The following MTUS2 variants were observed in gnomAD, a reference collection of about 807,000 sequenced individuals.
The protein encoded by MTUS2 is microtubule associated scaffold protein 2.
MTUS2 carries 40 observed loss-of-function variants against 114.1 expected under a neutral mutation model. The observed-to-expected ratio is 0.35, with a 90% CI of 0.27 to 0.46. The LOEUF is 0.46. MTUS2 is among the 20% of genes least tolerant of loss of function. The probability of loss-of-function intolerance (pLI) is 1.00; values close to 1 mark genes in which losing one functional copy is unlikely to be tolerated. For synonymous variants in MTUS2, 688 were observed against 672.0 expected (o/e 1.02, Z -0.37); for missense variants, 1,679 against 1,705.4 (o/e 0.98, Z 0.27).
intron 5 of MTUS2, among the ~76,000 whole-genome samples, chr13:29,123,554 T>G (rs1340755857): frequency 1.3e-5 from 2 of 152,054 alleles, no homozygotes; most frequent in Non-Finnish European, 2.9e-5. Flanking sequence ...TTGTCTCTAC[T>G]AAAAATACAA....
intron 4 of MTUS2, among the ~76,000 whole-genome samples, chr13:29,067,687 T>G (rs1032797256): frequency 2.6e-5 from 4 of 152,164 alleles, no homozygotes; most frequent in Admixed American, 1.3e-4. Flanking sequence ...TTTCATTTTA[T>G]GTTTCAGAGC....
chr13:28,879,873 C>G (rs1230902475), intron 2 of MTUS2, among the ~76,000 whole-genome samples: 1 of 151,940 alleles, frequency 6.6e-6, no homozygotes, highest in Admixed American at 6.6e-5. Flanking sequence ...TGTTCAGTAA[C>G]CCAGGTAGAA....
Position 28,905,253 on chromosome 13 carries a change from T to C in MTUS2, c.-243+65403T>C, listed in dbSNP as rs867662782. On this transcript the variant is annotated intron_variant, in intron 2 of 15. Coordinates refer to ENST00000612955, the MANE Select transcript of MTUS2 (RefSeq NM_001033602.4). Reference sequence around the variant, plus strand: ...TAATTGAATGCCCTTTATTTCCTTCTCCTGCCTGATTGCCCTGGCCAGAAC... The same window carrying C: ...TAATTGAATGCCCTTTATTTCCTTCCCCTGCCTGATTGCCCTGGCCAGAAC... 6.5e-4 allele frequency among the ~76,000 whole-genome samples: 99 copies of C among 151,682 alleles called. 1 individual carries two copies. Among genetic ancestry groups the C allele is most frequent in the African/African-American group, 2.3e-3 (95 of 41,132 alleles).
rs1368239410 is a variant in MTUS2, at chr13:29,333,045, G to T, written c.2905+8334G>T. Among the ~76,000 whole-genome samples, 3 of 152,130 alleles carry T rather than the reference G, an allele frequency of 2.0e-5. No homozygotes were observed. In the East Asian group the frequency reaches 5.8e-4, roughly 29 times the overall value. On this transcript the variant is annotated intron_variant, in intron 7 of 15. Coordinates refer to ENST00000612955, the MANE Select transcript of MTUS2 (RefSeq NM_001033602.4). ...TCCCTCTAAACACTGCTTTAGCTGT[G>T]TCCCAGAGATTCTGGTACGTTGTGT...
intron 8 of MTUS2, among the ~76,000 whole-genome samples, chr13:29,393,409 C>A (rs563816653): frequency 6.6e-6 from 1 of 152,180 alleles, no homozygotes; most frequent in Non-Finnish European, 1.5e-5. Flanking sequence ...CTTTAGCGTC[C>A]TCTCCCAAAA....
At chr13:28,831,914 G>A (rs1047512870) in intron 1 of MTUS2, among the ~76,000 whole-genome samples, 1 of 151,182 alleles carries the variant, frequency 6.6e-6, no homozygotes, top group African/African-American at 2.4e-5. Context: ...ATGCCACCAT[G>A]CCTGGCTATT....
chr13:29,260,794 T>C (rs993246119), intron 5 of MTUS2, among the ~76,000 whole-genome samples: 5 of 152,236 alleles, frequency 3.3e-5, no homozygotes, highest in Non-Finnish European at 7.3e-5. Context: ...AGTATTCCCC[T>C]TGGAGGACAT....
chr13:29,161,991 T>C (rs551488708), intron 5 of MTUS2, among the ~76,000 whole-genome samples: 7 of 152,226 alleles, frequency 4.6e-5, no homozygotes, highest in Admixed American at 2.0e-4. Context: ...TCTCCCGAAC[T>C]GTGGATTCAT....
chr13:29,135,256 C>A (rs1344497599), intron 5 of MTUS2, among the ~76,000 whole-genome samples: 1 of 152,112 alleles, frequency 6.6e-6, no homozygotes, highest in East Asian at 1.9e-4. Context: ...GAATGTATTC[C>A]CCACAAATAA....
chr13:28,899,752 C>A (rs1879525234), intron 2 of MTUS2, among the ~76,000 whole-genome samples: 1 of 152,080 alleles, frequency 6.6e-6, no homozygotes, highest in African/African-American at 2.4e-5. Context: ...TTCTCTCTGT[C>A]ACTTTCTTTT....
Position 29,480,088 on chromosome 13 carries a change from T to C in MTUS2, c.3185-62T>C, listed in dbSNP as rs1381971927. 6.7e-7 allele frequency: 1 copy of C among 1,498,166 alleles called. No individual in the cohort carries two copies. Among genetic ancestry groups the C allele is most frequent in the African/African-American group, 1.4e-5 (1 of 71,982 alleles). 92.8% of individuals were successfully genotyped at this position (1,498,166 alleles called of 1,614,324 possible). On this transcript the variant is annotated intron_variant, in intron 9 of 15. Coordinates refer to ENST00000612955, the MANE Select transcript of MTUS2 (RefSeq NM_001033602.4). This position sits in a 1 kb window ranked among gnomAD's most constrained non-coding sequence, Gnocchi z 4.4. ...GCCTTGATGATCTGACCATGGAGGC[T>C]GAGTCCTTCCCATGCCTCCTACGGC...
intron 2 of MTUS2, among the ~76,000 whole-genome samples, chr13:28,985,454 G>T (rs184704499): frequency 6.6e-6 from 1 of 152,144 alleles, no homozygotes; most frequent in Admixed American, 6.5e-5. Context: ...AATAACTGGG[G>T]ATGTTAATAA....
chr13:29,027,703 C>T (rs534711105), intron 3 of MTUS2, among the ~76,000 whole-genome samples: 84 of 152,308 alleles, frequency 5.5e-4, no homozygotes, highest in African/African-American at 1.8e-3. Flanking sequence ...AGGCGCCCGC[C>T]ACCGCGCCTG....
At chr13:28,970,675 T>C (rs780788310) in intron 2 of MTUS2, among the ~76,000 whole-genome samples, 2 of 152,256 alleles carry the variant, frequency 1.3e-5, no homozygotes, top group African/African-American at 2.4e-5. Flanking sequence ...ACATTTGTGC[T>C]CTCTGAGAAG....
intron 3 of MTUS2, among the ~76,000 whole-genome samples, chr13:29,027,290 A>G (rs1225938773): frequency 6.6e-6 from 1 of 152,250 alleles, no homozygotes; most frequent in Admixed American, 6.5e-5. Context: ...GATCAGACTC[A>G]TTCCTCAATG....
At position 29,317,089 on chromosome 13, in the gene MTUS2, C is replaced by T. The variant is rs530639293; in HGVS notation, c.2807-7524C>T. ...ATAATAATCTTCAGAATTAATTATC[C>T]CTTAGTCTTATCCAGGTAATAATTA... On this transcript the variant is annotated intron_variant, in intron 6 of 15. Coordinates refer to ENST00000612955, the MANE Select transcript of MTUS2 (RefSeq NM_001033602.4). 7.2e-5 allele frequency among the ~76,000 whole-genome samples: 11 copies of T among 152,172 alleles called. No homozygotes were observed. The South Asian group carries it at 2.3e-3, about 32-fold the overall frequency.
intron 9 of MTUS2, among the ~76,000 whole-genome samples, chr13:29,475,618 A>G (rs1256973744): frequency 6.6e-6 from 1 of 152,166 alleles, no homozygotes. Flanking sequence ...TAATATATGC[A>G]TTTGTGTCTT....
At chr13:29,175,087 C>T (rs1183860863) in intron 5 of MTUS2, among the ~76,000 whole-genome samples, 1 of 152,120 alleles carries the variant, frequency 6.6e-6, no homozygotes, top group East Asian at 1.9e-4. Flanking sequence ...ATTCTCGAGG[C>T]TCTTAACATA....
intron 1 of MTUS2, among the ~76,000 whole-genome samples, chr13:28,823,865 C>T (rs1000591863): frequency 7.9e-5 from 12 of 152,148 alleles, no homozygotes; most frequent in African/African-American, 2.9e-4. Context: ...TCCTTCTTCA[C>T]ATGGCAGCAG....
Sources: allele counts gnomAD v4.1 joint callset (sites outside exome capture counted in the v4.1 genomes callset), GRCh38; gene constraint gnomAD v4.1.1; non-coding constraint Gnocchi (gnomAD v3.1); transcripts MANE v1.5; gene names NCBI Gene and HGNC (gene_info 2026-07-23, HGNC 2026-07-21).